HMGCLL1: variants seen among roughly 807,000 people sequenced by gnomAD.
HMGCLL1 encodes 3-hydroxymethyl-3-methylglutaryl-CoA lyase, cytoplasmic.
Under a neutral mutation model 39.1 loss-of-function variants are expected in HMGCLL1, and 36 were observed. The ratio of observed to expected loss-of-function variants is 0.92; its 90% CI spans 0.71 to 1.22. HMGCLL1 has a LOEUF of 1.22. HMGCLL1 is among the 50% of genes most tolerant of loss of function. The pLI is 0.00. For missense variants in HMGCLL1, 451 were observed against 416.5 expected, an observed-to-expected ratio of 1.08 and a Z score of -0.72; for synonymous variants, 149 against 144.0, an observed-to-expected ratio of 1.03 and a Z score of -0.25.
chr6:55,437,389 CA>C (rs1763414043), intron 8 of HMGCLL1, among the ~76,000 whole-genome samples: 1 of 151,150 alleles, frequency 6.6e-6, no homozygotes, highest in Admixed American at 6.6e-5. Context: ...ATTACGGAGG[CA>C]GAGATATGAG....
chr6:55,664,543 T>C, the HMGCLL1 span, among the ~76,000 whole-genome samples: 1 of 151,842 alleles, frequency 6.6e-6, no homozygotes, highest in African/African-American at 2.4e-5. Flanking sequence ...TAAAATCCTA[T>C]TTGTATTTTT....
At chr6:55,569,724 A>C (rs141049102) in intron 1 of HMGCLL1, among the ~76,000 whole-genome samples, 2,006 of 152,280 alleles carry the variant, frequency 0.013, 30 homozygotes, top group Non-Finnish European at 0.023. Context: ...ACTCATACTA[A>C]ATAATATATG....
intron 3 of HMGCLL1, among the ~76,000 whole-genome samples, chr6:55,527,641 G>A (rs1447278799): frequency 6.6e-6 from 1 of 151,936 alleles, no homozygotes; most frequent in Non-Finnish European, 1.5e-5. Context: ...ACACTGATAA[G>A]ACCTCTCCTA....
chr6:55,661,235 T>C, the HMGCLL1 span, among the ~76,000 whole-genome samples: 1 of 151,824 alleles, frequency 6.6e-6, no homozygotes, highest in African/African-American at 2.4e-5. Flanking sequence ...TCCTATTTGT[T>C]AATTTTTGCT....
chr6:55,453,884 C>T (rs1425514751), intron 7 of HMGCLL1, among the ~76,000 whole-genome samples: 1 of 152,132 alleles, frequency 6.6e-6, no homozygotes, highest in Non-Finnish European at 1.5e-5. Context: ...AGATCTCTCG[C>T]TTAACAACAA....
At chr6:55,485,352 T>A (rs1409551612) in intron 7 of HMGCLL1, among the ~76,000 whole-genome samples, 1 of 152,022 alleles carries the variant, frequency 6.6e-6, no homozygotes, top group African/African-American at 2.4e-5. Context: ...TGTACTCCCC[T>A]GCCAGAATGA....
chr6:55,639,548 C>G, the HMGCLL1 span, among the ~76,000 whole-genome samples: 1 of 151,782 alleles, frequency 6.6e-6, no homozygotes, highest in African/African-American at 2.4e-5. Flanking sequence ...GATGAATAGT[C>G]TATGAAAGAG....
chr6:55,528,158 G>A (rs7743274), intron 3 of HMGCLL1, among the ~76,000 whole-genome samples: 56,689 of 151,500 alleles, frequency 0.37, 12,021 homozygotes, highest in East Asian at 0.48. Context: ...CAAAATGAGC[G>A]GATAATGTCA....
chr6:55,609,687 C>T, the HMGCLL1 span, among the ~76,000 whole-genome samples: 2 of 152,172 alleles, frequency 1.3e-5, no homozygotes, highest in African/African-American at 4.8e-5. Flanking sequence ...CAAAATGCTT[C>T]ATTAAATGGG....
At chr6:55,485,288 T>C (rs978038177) in intron 7 of HMGCLL1, among the ~76,000 whole-genome samples, 1 of 152,012 alleles carries the variant, frequency 6.6e-6, no homozygotes, top group African/African-American at 2.4e-5. Context: ...TGCTCTAAAA[T>C]GTACTTCTAT....
At chr6:55,640,410 T>C in the HMGCLL1 span, among the ~76,000 whole-genome samples, 1 of 151,938 alleles carries the variant, frequency 6.6e-6, no homozygotes, top group Non-Finnish European at 1.5e-5. Context: ...ATATAATATA[T>C]ACAAAAAAGA....
At chr6:55,652,951 T>C in the HMGCLL1 span, among the ~76,000 whole-genome samples, 1 of 152,084 alleles carries the variant, frequency 6.6e-6, no homozygotes, top group African/African-American at 2.4e-5. Context: ...CTCACCTGAA[T>C]AAACAACTAG....
the HMGCLL1 span, among the ~76,000 whole-genome samples, chr6:55,626,598 G>A: frequency 2.6e-5 from 4 of 152,066 alleles, no homozygotes; most frequent in Admixed American, 2.0e-4. Flanking sequence ...CGGGAATCAA[G>A]GGGTGGAAGT....
chr6:55,660,894 A>T, the HMGCLL1 span, among the ~76,000 whole-genome samples: 1 of 151,316 alleles, frequency 6.6e-6, no homozygotes, highest in Admixed American at 6.6e-5. Flanking sequence ...TTATTTTTTG[A>T]CTCTTAATAA....
intron 7 of HMGCLL1, among the ~76,000 whole-genome samples, chr6:55,486,041 C>A (rs1766008593): frequency 6.6e-6 from 1 of 150,498 alleles, no homozygotes; most frequent in Non-Finnish European, 1.5e-5. Flanking sequence ...ATTTAACATA[C>A]ACACAAGTTA....
chr6:55,462,834 C>T (rs1174417747), intron 7 of HMGCLL1, among the ~76,000 whole-genome samples: 2 of 152,096 alleles, frequency 1.3e-5, no homozygotes. Flanking sequence ...ATAGGCTTCT[C>T]AGGAGTAGTT....
the HMGCLL1 span, among the ~76,000 whole-genome samples, chr6:55,587,498 A>G: frequency 6.6e-5 from 10 of 152,130 alleles, no homozygotes; most frequent in African/African-American, 2.4e-4. Context: ...GCATCAACTA[A>G]GGAGCAAAAT....
rs191122746 is a variant in HMGCLL1 at position 55,483,627 on chromosome 6, C to T, written c.795+11792G>A. ...TCAGATTTAAAATGTAATATAGAGA[C>T]ACATTCATTAAAAGTGTGGCATTTG... is the stretch of plus-strand genomic sequence containing the variant. On this transcript the variant is annotated intron_variant, in intron 7 of 8. Coordinates refer to ENST00000274901, the MANE Select transcript of HMGCLL1 (RefSeq NM_001042406.2). 2.2e-4 allele frequency among the ~76,000 whole-genome samples: 34 copies of T among 152,238 alleles called. 1 individual carries two copies. The highest frequency in any genetic ancestry group is 3.4e-3 in the Middle Eastern group (1 of 294).
intron 5 of HMGCLL1, among the ~76,000 whole-genome samples, chr6:55,504,924 C>A (rs1471040822): frequency 6.6e-6 from 1 of 151,544 alleles, no homozygotes; most frequent in Non-Finnish European, 1.5e-5. Flanking sequence ...TTTGAGAGAT[C>A]AGAACTTGAA....
Sources: gnomAD v4.1 joint callset for allele counts (sites outside exome capture counted in the v4.1 genomes callset) on GRCh38, gnomAD v4.1.1 for gene constraint, MANE v1.5 for transcripts, NCBI Gene and HGNC (gene_info 2026-07-23, HGNC 2026-07-21) for gene names.